ZNF225: variants seen among roughly 807,000 people sequenced by gnomAD.
ZNF225 encodes the protein zinc finger protein 225.
In ZNF225, 6 loss-of-function variants were observed where a neutral mutation model predicts 12.0. The ratio of observed to expected loss-of-function variants is 0.50; its 90% CI spans 0.27 to 0.98. ZNF225 has a LOEUF of 0.98. ZNF225 is among the 50% of genes least tolerant of loss of function. The pLI, the probability that ZNF225 is intolerant of heterozygous loss-of-function variation, is 0.11. For synonymous variants in ZNF225, 271 were observed against 283.2 expected (o/e 0.96, Z 0.43); for missense variants, 763 against 848.2 (o/e 0.90, Z 1.25).
chr19:44,129,936 T>C (rs1430989767), intron 4 of ZNF225: 2 of 152,272 alleles, frequency 1.3e-5, no homozygotes, highest in South Asian at 2.1e-4. Flanking sequence ...GTTTTGACGA[T>C]GTTATGGCTT....
chr19:44,119,947 G>A (rs762151083), intron 4 of ZNF225, among the ~76,000 whole-genome samples: 14 of 152,136 alleles, frequency 9.2e-5, no homozygotes, highest in South Asian at 4.1e-4. Context: ...GGCCAGGCGC[G>A]GTAGCTCACG....
In ZNF225 at chr19:44,118,272, C is replaced by T. The variant is rs777399992; in HGVS notation, c.100C>T (p.Arg34Ter). The T allele has an allele frequency of 9.9e-6, 16 of 1,613,152 alleles. No homozygotes were observed. Among genetic ancestry groups the T allele is most frequent in the South Asian group, 4.4e-5 (4 of 91,056 alleles). Residue 34 changes from arginine to a stop codon, truncating the protein, a stop_gained, in exon 3 of 5, where the codon CGA becomes TGA. Coordinates refer to ENST00000262894, the MANE Select transcript of ZNF225 (RefSeq NM_013362.4). LOFTEE classifies it high-confidence loss of function. ...LLDLAQRKLYREVMLENFRNL... is the reference protein window; with the variant it reads ...LLDLAQRKLY ...GGACCTTGCCCAGAGGAAACTGTAC[C>T]GAGAAGTGATGCTGGAGAACTTCAG...
chr19:44,132,985 C>T lies in ZNF225; in HGVS notation c.*250C>T, dbSNP rs1968319552. The T allele has an allele frequency of 3.1e-6, 1 of 319,818 alleles. No individual in the cohort carries two copies. Among genetic ancestry groups the T allele is most frequent in the African/African-American group, 2.2e-5 (1 of 46,250 alleles). 19.8% of individuals were successfully genotyped at this position (319,818 alleles called of 1,614,324 possible). On this transcript the variant is annotated 3_prime_UTR_variant, in exon 5 of 5. Transcript: ENST00000262894. ...TGTATTTCTGTATTCATTAACCAAC[C>T]TTTGGCTACCACCCTGCCTCCTCAC...
Position 44,131,306 on chromosome 19 carries a change from C to T in ZNF225, c.692C>T (p.Pro231Leu). The T allele has an allele frequency of 6.2e-7, 1 of 1,614,152 alleles. No homozygotes were observed. Residue 231 changes from proline to leucine, a missense_variant, in exon 5 of 5, where the codon CCA becomes CTA. Coordinates refer to ENST00000262894, the MANE Select transcript of ZNF225 (RefSeq NM_013362.4). ...CAGAGAATCCACACTGGAGAGAAAC[C>T]ATTCAAATGTGAGCAGTGTGGGAAA... ...IHQRIHTGEK[P>L]FKCEQCGKGF...
intron 2 of ZNF225, among the ~76,000 whole-genome samples, chr19:44,117,027 GTAGATAAAAATA>G (rs1490671139): frequency 6.6e-6 from 1 of 151,894 alleles, no homozygotes; most frequent in Non-Finnish European, 1.5e-5. Flanking sequence ...ATTATTTAGA[GTAGATAAAAATA>G]GATTATCAAT....
intron 4 of ZNF225, 29 bp from the exon 5 acceptor site, chr19:44,130,821 C>T: frequency 6.4e-7 from 1 of 1,567,814 alleles, no homozygotes; most frequent in East Asian, 2.2e-5. Flanking sequence ...CTTTACTTGC[C>T]CACATCTCTT....
At chr19:44,126,872 C>G (rs879318373) in intron 4 of ZNF225, among the ~76,000 whole-genome samples, 2 of 152,190 alleles carry the variant, frequency 1.3e-5, no homozygotes, top group African/African-American at 4.8e-5. Flanking sequence ...ACCAAAGGGC[C>G]GGTCTCACTC....
rs369725884 is a variant in ZNF225, at chr19:44,131,699, A to G, written c.1085A>G (p.His362Arg). The part of the protein sequence containing the change: ...RFIYRQDLYK[H>R]QIDHTGEKPY... ...ATTTATAGGCAAGATCTTTATAAGC[A>G]TCAGATAGACCACACAGGGGAGAAG... is the stretch of plus-strand genomic sequence containing the variant. The change falls in exon 5 of 5, where the codon CAT becomes CGT. Residue 362 changes from histidine to arginine, a missense_variant. By Grantham distance (29) the His-to-Arg change is conservative. Coordinates refer to ENST00000262894, the MANE Select transcript of ZNF225 (RefSeq NM_013362.4). 2 of 1,614,236 alleles carry G rather than the reference A, an allele frequency of 1.2e-6. No homozygotes were observed. Among genetic ancestry groups the G allele is most frequent in the African/African-American group, 1.3e-5 (1 of 75,074 alleles).
chr19:44,114,924 T>C lies in ZNF225; in HGVS notation c.-68-836T>C, dbSNP rs970678249. ...AAGTCATGTTTGTCAGATTTCCGCA[T>C]TGTAAAATTATTTTGAATTTTTTTT... On this transcript the variant is annotated intron_variant, in intron 1 of 4. Coordinates refer to ENST00000262894, the MANE Select transcript of ZNF225 (RefSeq NM_013362.4). 3.3e-5 allele frequency among the ~76,000 whole-genome samples: 5 copies of C among 151,764 alleles called. No individual in the cohort carries two copies. The East Asian group carries it at 5.8e-4, about 18-fold the overall frequency.
chr19:44,133,880 A>G lies in ZNF225; in HGVS notation c.*1145A>G, dbSNP rs1461607972. ...ATTTTTATAATCAAATCTACTAGAG[A>G]TAGATTTGATTTTTATAATCAAATC... On this transcript the variant is annotated 3_prime_UTR_variant, in exon 5 of 5. Transcript: ENST00000262894. 1.3e-5 allele frequency: 2 copies of G among 148,538 alleles called. 1 individual carries two copies. The highest frequency in any genetic ancestry group is 3.0e-5 in the Non-Finnish European group (2 of 66,702). 9.2% of individuals were successfully genotyped at this position (148,538 alleles called of 1,614,324 possible).
In ZNF225 at chr19:44,131,513, G is replaced by C. The variant is rs368890502; in HGVS notation, c.899G>C (p.Arg300Thr). 1.2e-4 allele frequency: 201 copies of C among 1,614,026 alleles called. No homozygotes were observed. Among genetic ancestry groups the C allele is most frequent in the Non-Finnish European group, 1.6e-4 (189 of 1,180,006 alleles). Residue 300 changes from arginine to threonine, a missense_variant, in exon 5 of 5, where the codon AGA (arginine) becomes ACA (threonine). By Grantham distance (71) the Arg-to-Thr change is moderately conservative. Transcript: ENST00000262894. ...CDICCKSFRS[R>T]ANLNRHSMVH... Reference sequence around the variant, plus strand: ...ATATGTTGTAAGAGCTTCCGTAGTAGAGCAAATCTTAATAGGCATTCCATG... The same window carrying C: ...ATATGTTGTAAGAGCTTCCGTAGTACAGCAAATCTTAATAGGCATTCCATG...
chr19:44,128,248 G>A (rs1044194324), intron 4 of ZNF225, among the ~76,000 whole-genome samples: 17 of 152,222 alleles, frequency 1.1e-4, no homozygotes, highest in African/African-American at 3.1e-4. Context: ...GTTTGATAGC[G>A]TGGTATATAT....
chr19:44,130,673 C>G (rs1968226908), intron 4 of ZNF225, 177 bp from the exon 5 acceptor site: 1 of 356,264 alleles, frequency 2.8e-6, no homozygotes, highest in South Asian at 3.0e-5. Context: ...TGCACTCCAG[C>G]CTGGGGGACA....
rs369689000 is a variant in ZNF225, at chr19:44,131,941, C to T, written c.1327C>T (p.Leu443Phe). The T allele has an allele frequency of 4.2e-5, 67 of 1,613,854 alleles. No individual in the cohort carries two copies. Among genetic ancestry groups the T allele is most frequent in the Non-Finnish European group, 5.3e-5 (63 of 1,179,988 alleles). ...CGKGYKRRLDLDFHQRVHRGE... is the reference protein window; with the variant it reads ...CGKGYKRRLDFDFHQRVHRGE... ...GAAGGGCTACAAAAGGAGGTTGGATCTTGACTTTCATCAGAGGGTCCACAG... is the reference window on the plus strand; with the variant it reads ...GAAGGGCTACAAAAGGAGGTTGGATTTTGACTTTCATCAGAGGGTCCACAG... Residue 443 changes from leucine (L) to phenylalanine (F), a missense_variant, in exon 5 of 5, where the codon CTT (leucine) becomes TTT (phenylalanine). Physicochemically the swap from Leu to Phe is conservative, Grantham distance 22. Coordinates refer to ENST00000262894, the MANE Select transcript of ZNF225 (RefSeq NM_013362.4).
rs982610908 is a variant in ZNF225, at chr19:44,123,374, T to A, written c.235+4800T>A. ...ATCATGATGGATTATCTTTTTGATA[T>A]GTTGTTGGATTAAGTTACCTAGTAT... On this transcript the variant is annotated intron_variant, in intron 4 of 4. Transcript: ENST00000262894. Among the ~76,000 whole-genome samples, 39 of 152,198 alleles carry A rather than the reference T, an allele frequency of 2.6e-4. 1 individual carries two copies. The highest frequency in any genetic ancestry group is 2.6e-3 in the Admixed American group (39 of 15,282).
At chr19:44,123,471 T>C (rs1968091345) in intron 4 of ZNF225, among the ~76,000 whole-genome samples, 1 of 152,174 alleles carries the variant, frequency 6.6e-6, no homozygotes, top group African/African-American at 2.4e-5. Context: ...ATTATGTTCT[T>C]TCCTGGTTTT....
rs187977016 is a variant in ZNF225 at position 44,132,634 on chromosome 19, C to A, written c.2020C>A (p.Gln674Lys). 77 of 1,613,836 alleles carry A rather than the reference C, an allele frequency of 4.8e-5. No homozygotes were observed. In the East Asian group the frequency reaches 1.6e-3, roughly 33 times the overall value. Residue 674 changes from glutamine to lysine, a missense_variant, in exon 5 of 5, where the codon CAA becomes AAA. By Grantham distance (53) the Gln-to-Lys change is moderately conservative (BLOSUM62 1). Transcript: ENST00000262894. Reference protein sequence around the residue: ...SSCLKDQQRDQSGEKTSKCED... With the variant: ...SSCLKDQQRDKSGEKTSKCED... Reference sequence around the variant, plus strand: ...ATGCCTTAAAGACCAACAAAGAGACCAAAGTGGAGAGAAAACATCTAAATG... The same window carrying A: ...ATGCCTTAAAGACCAACAAAGAGACAAAAGTGGAGAGAAAACATCTAAATG...
chr19:44,120,580 A>C lies in ZNF225; in HGVS notation c.235+2006A>C, dbSNP rs1968032818. Reference sequence around the variant, plus strand: ...CCTATCTAATTAGAACTTTCTTAGGATTCCTTGTTGGGATACTATTTTTAG... The same window carrying C: ...CCTATCTAATTAGAACTTTCTTAGGCTTCCTTGTTGGGATACTATTTTTAG... On this transcript the variant is annotated intron_variant, in intron 4 of 4. Transcript: ENST00000262894. Among the ~76,000 whole-genome samples, 3 of 152,246 alleles carry C rather than the reference A, an allele frequency of 2.0e-5. No individual in the cohort carries two copies. The South Asian group carries it at 6.2e-4, about 32-fold the overall frequency.
intron 4 of ZNF225, chr19:44,129,099 G>T (rs1010647574): frequency 4.1e-6 from 5 of 1,231,496 alleles, no homozygotes; most frequent in Non-Finnish European, 5.1e-6. Flanking sequence ...TCTATTTCAG[G>T]TAACCAAGTT....
Sources: allele counts gnomAD v4.1 joint callset (sites outside exome capture counted in the v4.1 genomes callset), GRCh38; gene constraint gnomAD v4.1.1; transcripts MANE v1.5; gene names NCBI Gene and HGNC (gene_info 2026-07-23, HGNC 2026-07-21).